Variants in ANKRD13B observed in about 807,000 individuals in gnomAD.
The protein encoded by ANKRD13B is ankyrin repeat domain 13B.
ANKRD13B carries 33 observed loss-of-function variants against 74.4 expected under a neutral mutation model. That is an observed-to-expected ratio of 0.44 (90% CI 0.34 to 0.59). The LOEUF is 0.59. Among genes scored for constraint, ANKRD13B ranks in the 20% least tolerant of loss-of-function variants. The pLI is 0.02. For synonymous variants in ANKRD13B, 341 were observed against 362.9 expected, an observed-to-expected ratio of 0.94 and a Z score of 0.68; for missense variants, 676 against 877.9, an observed-to-expected ratio of 0.77 and a Z score of 2.91.
In ANKRD13B at chr17:29,609,184, G is replaced by A; in HGVS notation, c.664G>A (p.Ala222Thr). ...GCAGGACCGGGAGCTGCTGCTGGCT[G>A]CTGCTCAGCCCACTGAGGAACAGGT... ...AGQDRELLLA[A>T]AQPTEEQVLS... is the part of the protein sequence containing the mutation. The change falls in exon 6 of 15, where the codon GCT becomes ACT. Residue 222 changes from alanine to threonine, a missense_variant. Around this residue, in one of 4 missense-constraint regions of ANKRD13B, gnomAD observed 328 missense variants for 518.4 expected, o/e 0.63. Transcript: ENST00000394859. This position sits in a 1 kb window ranked among gnomAD's most constrained non-coding sequence, Gnocchi z 4.0. 1 of 1,612,464 alleles carries A rather than the reference G, an allele frequency of 6.2e-7. No homozygotes were observed. Among genetic ancestry groups the A allele is most frequent in the Non-Finnish European group, 8.5e-7 (1 of 1,180,022 alleles).
chr17:29,613,297 C>A, intron 14 of ANKRD13B, 57 bp from the exon 15 acceptor site: 1 of 1,385,812 alleles, frequency 7.2e-7, no homozygotes, highest in Non-Finnish European at 9.3e-7. Context: ...CGTGTCCCGG[C>A]CCCGGCCGGT....
At position 29,608,501 on chromosome 17, in the gene ANKRD13B, G is replaced by T. The variant is rs1199836149; in HGVS notation, c.421+261G>T. ...TTGTTAGAAGGTAAGCTCTGAGAGGGCAGGAGTCCTGTCTTTTTCACTGTT... is the reference window on the plus strand; with the variant it reads ...TTGTTAGAAGGTAAGCTCTGAGAGGTCAGGAGTCCTGTCTTTTTCACTGTT... On this transcript the variant is annotated intron_variant, in intron 4 of 14. Coordinates refer to ENST00000394859, the MANE Select transcript of ANKRD13B (RefSeq NM_152345.5). This position sits in a 1 kb window ranked among gnomAD's most constrained non-coding sequence, Gnocchi z 6.4. Among the ~76,000 whole-genome samples, 2 of 152,234 alleles carry T rather than the reference G, an allele frequency of 1.3e-5. No homozygotes were observed. The highest frequency in any genetic ancestry group is 1.5e-5 in the Non-Finnish European group (1 of 68,042).
At position 29,613,745 on chromosome 17, in the gene ANKRD13B, T is replaced by A; in HGVS notation, c.*163T>A. ...GCACGGTTCGGGGAGGGATTCGGCATGGCCGCGGGGTACCTTCCCAGGCCA... is the reference window on the plus strand; with the variant it reads ...GCACGGTTCGGGGAGGGATTCGGCAAGGCCGCGGGGTACCTTCCCAGGCCA... On this transcript the variant is annotated 3_prime_UTR_variant, in exon 15 of 15. Transcript: ENST00000394859. The A allele has an allele frequency of 8.4e-7, 1 of 1,190,984 alleles. No individual in the cohort carries two copies. Among genetic ancestry groups the A allele is most frequent in the South Asian group, 1.9e-5 (1 of 53,650 alleles). The allele number at this position is 1,190,984 out of a possible 1,614,324, so 73.8% of individuals were successfully genotyped here. A position where few individuals can be genotyped will look rare whatever the true frequency, so the allele number is the denominator to read the frequency against.
At position 29,593,575 on chromosome 17, in the gene ANKRD13B, C is replaced by G. The variant is rs1199461488; in HGVS notation, c.-47C>G. Reference sequence around the variant, plus strand: ...CCCCGGGCCCCGGCTCCGGCGCCGTCCCTCCTCCCCGGCCGGGCGCCGCGG... The same window carrying G: ...CCCCGGGCCCCGGCTCCGGCGCCGTGCCTCCTCCCCGGCCGGGCGCCGCGG... On this transcript the variant is annotated 5_prime_UTR_variant, in exon 1 of 15. Coordinates refer to ENST00000394859, the MANE Select transcript of ANKRD13B (RefSeq NM_152345.5). The G allele has an allele frequency of 9.8e-7, 1 of 1,019,930 alleles. No homozygotes were observed. The highest frequency in any genetic ancestry group is 1.7e-5 in the African/African-American group (1 of 57,374). The allele number at this position is 1,019,930 out of a possible 1,614,324, so 63.2% of individuals were successfully genotyped here. A position where few individuals can be genotyped will look rare whatever the true frequency, so the allele number is the denominator to read the frequency against.
intron 7 of ANKRD13B, among the ~76,000 whole-genome samples, chr17:29,610,372 G>A (rs2034540855): frequency 6.6e-6 from 1 of 152,116 alleles, no homozygotes; most frequent in Non-Finnish European, 1.5e-5. Context: ...GGACCATGCT[G>A]TTATAACTCC....
chr17:29,613,614 G>A lies in ANKRD13B; in HGVS notation c.*32G>A. ...CTGCCGGGACCCTCGCCAGCGCCAC[G>A]CGCGCCACGCCCAGGGCCAGGAGCC... On this transcript the variant is annotated 3_prime_UTR_variant, in exon 15 of 15. Coordinates refer to ENST00000394859, the MANE Select transcript of ANKRD13B (RefSeq NM_152345.5). 1 of 1,396,308 alleles carries A rather than the reference G, an allele frequency of 7.2e-7. No homozygotes were observed. Among genetic ancestry groups the A allele is most frequent in the Non-Finnish European group, 9.3e-7 (1 of 1,075,064 alleles). 86.5% of individuals were successfully genotyped at this position (1,396,308 alleles called of 1,614,324 possible). A position where few individuals can be genotyped will look rare whatever the true frequency, so the allele number is the denominator to read the frequency against.
At position 29,608,772 on chromosome 17, in the gene ANKRD13B, C is replaced by T; in HGVS notation, c.422-79C>T. ...TCCCCTGTTCCTGGCCACACGGATCCCAAACCCCATGCCCTGAGCTGGTCC... is the reference window on the plus strand; with the variant it reads ...TCCCCTGTTCCTGGCCACACGGATCTCAAACCCCATGCCCTGAGCTGGTCC... On this transcript the variant is annotated intron_variant, in intron 4 of 14. Transcript: ENST00000394859. The surrounding 1 kb of genome is among the most constrained non-coding windows in gnomAD (Gnocchi z 6.4). The T allele has an allele frequency of 1.9e-6, 3 of 1,573,632 alleles. No homozygotes were observed. In the South Asian group the frequency reaches 3.5e-5, roughly 18 times the overall value.
chr17:29,611,564 C>G lies in ANKRD13B; in HGVS notation c.905-15C>G. ...TGGAGTTGCGGTGTCCTCTGAGATG[C>G]CACATTTCTTGTAGGCTGTAAGACA... On this transcript the variant is annotated splice_polypyrimidine_tract_variant and intron_variant, in intron 8 of 14. Coordinates refer to ENST00000394859, the MANE Select transcript of ANKRD13B (RefSeq NM_152345.5). This position sits in a 1 kb window ranked among gnomAD's most constrained non-coding sequence, Gnocchi z 4.3. 6.2e-7 allele frequency: 1 copy of G among 1,613,898 alleles called. No individual in the cohort carries two copies. Among genetic ancestry groups the G allele is most frequent in the Non-Finnish European group, 8.5e-7 (1 of 1,179,800 alleles).
Position 29,609,016 on chromosome 17 carries a change from G to T in ANKRD13B, c.565+22G>T, listed in dbSNP as rs2034484141. 2 of 1,613,722 alleles carry T rather than the reference G, an allele frequency of 1.2e-6. No homozygotes were observed. Among genetic ancestry groups the T allele is most frequent in the Non-Finnish European group, 1.7e-6 (2 of 1,180,030 alleles). ...CAAGGTCAGGCAGGCAGGAAGTGGGGCAGGGTGGGGACGATGGGAGGCAGC... is the reference window on the plus strand; with the variant it reads ...CAAGGTCAGGCAGGCAGGAAGTGGGTCAGGGTGGGGACGATGGGAGGCAGC... On this transcript the variant is annotated intron_variant, in intron 5 of 14. Coordinates refer to ENST00000394859, the MANE Select transcript of ANKRD13B (RefSeq NM_152345.5). This position sits in a 1 kb window ranked among gnomAD's most constrained non-coding sequence, Gnocchi z 4.0.
chr17:29,597,987 C>CGGCT (rs1287241016), intron 1 of ANKRD13B, among the ~76,000 whole-genome samples: 7 of 151,352 alleles, frequency 4.6e-5, no homozygotes, highest in Admixed American at 1.3e-4. Context: ...TTAGCTGCAG[C>CGGCT]GGCTGCGGCT....
At position 29,612,182 on chromosome 17, in the gene ANKRD13B, C is replaced by T; in HGVS notation, c.1167C>T (p.Ile389=). The change falls in exon 11 of 15, where the codon ATC becomes ATT. Residue 389 remains isoleucine (I), a synonymous_variant. Transcript: ENST00000394859. The surrounding 1 kb of genome is among the most constrained non-coding windows in gnomAD (Gnocchi z 6.1). Reference sequence around the variant, plus strand: ...CCCTGTGTGAGCAGGTGGCCCCCATCATTGACCTCATGGCCGTCAGCAATG... The same window carrying T: ...CCCTGTGTGAGCAGGTGGCCCCCATTATTGACCTCATGGCCGTCAGCAATG... ...PLSLCEQVAP[I]IDLMAVSNAL... The T allele has an allele frequency of 1.2e-6, 2 of 1,614,148 alleles. No individual in the cohort carries two copies. Among genetic ancestry groups the T allele is most frequent in the Non-Finnish European group, 1.7e-6 (2 of 1,180,034 alleles).
At position 29,597,718 on chromosome 17, in the gene ANKRD13B, G is replaced by A. The variant is rs115794994; in HGVS notation, c.114+3983G>A. On this transcript the variant is annotated intron_variant, in intron 1 of 14. Transcript: ENST00000394859. ...GCAAGGTGCCACTTACACTGCAGGC[G>A]GCACTCTGGGCTTGTGGGGAGAGCT... Among the ~76,000 whole-genome samples the A allele has an allele frequency of 3.7e-3, 561 of 152,254 alleles. 4 individuals are homozygous for A. Among genetic ancestry groups the A allele is most frequent in the African/African-American group, 0.013 (522 of 41,518 alleles).
chr17:29,599,057 G>T (rs1328879275), intron 1 of ANKRD13B, among the ~76,000 whole-genome samples: 1 of 152,176 alleles, frequency 6.6e-6, no homozygotes, highest in Non-Finnish European at 1.5e-5. Flanking sequence ...CACTTGGACG[G>T]GCAGTGGATA....
In ANKRD13B at chr17:29,612,928, C is replaced by T. The variant is rs1197346999; in HGVS notation, c.1617C>T (p.Thr539=). ...WEALTNSKPG[T]HPMSYEGRRQ... ...CGCTAACCAACAGCAAGCCAGGCAC[C>T]CACCCCATGTCCTACGAGGGTCGCC... Residue 539 remains threonine (T), a synonymous_variant, in exon 14 of 15, where the codon ACC becomes ACT. Transcript: ENST00000394859. The surrounding 1 kb of genome is among the most constrained non-coding windows in gnomAD (Gnocchi z 6.1). 5.0e-6 allele frequency: 8 copies of T among 1,598,308 alleles called. No homozygotes were observed. The highest frequency in any genetic ancestry group is 1.7e-6 in the Non-Finnish European group (2 of 1,179,752).
chr17:29,613,658 G>T lies in ANKRD13B; in HGVS notation c.*76G>T, dbSNP rs1001884024. ...AGGAGCCAGACAAACCCCGGCCTGCGCGCCTGCAGAGCGGCGGCTGGAGAC... is the reference window on the plus strand; with the variant it reads ...AGGAGCCAGACAAACCCCGGCCTGCTCGCCTGCAGAGCGGCGGCTGGAGAC... On this transcript the variant is annotated 3_prime_UTR_variant, in exon 15 of 15. Transcript: ENST00000394859. 7.3e-7 allele frequency: 1 copy of T among 1,372,964 alleles called. No individual in the cohort carries two copies. The allele number at this position is 1,372,964 out of a possible 1,614,324, so 85.0% of individuals were successfully genotyped here.
chr17:29,596,846 C>A (rs1440609354), intron 1 of ANKRD13B, among the ~76,000 whole-genome samples: 1 of 152,172 alleles, frequency 6.6e-6, no homozygotes, highest in Non-Finnish European at 1.5e-5. Context: ...GCCACAAACC[C>A]CAGAAACCAA....
Position 29,608,753 on chromosome 17 carries a change from G to A in ANKRD13B, c.422-98G>A. 2 of 1,504,350 alleles carry A rather than the reference G, an allele frequency of 1.3e-6. No individual in the cohort carries two copies. The highest frequency in any genetic ancestry group is 1.8e-6 in the Non-Finnish European group (2 of 1,108,420). 93.2% of individuals were successfully genotyped at this position (1,504,350 alleles called of 1,614,324 possible). On this transcript the variant is annotated intron_variant, in intron 4 of 14. Coordinates refer to ENST00000394859, the MANE Select transcript of ANKRD13B (RefSeq NM_152345.5). This position sits in a 1 kb window ranked among gnomAD's most constrained non-coding sequence, Gnocchi z 6.4. The stretch of plus-strand genomic sequence containing the variant: ...TGCTCTCTCTTCAGTTCCCTCCCCT[G>A]TTCCTGGCCACACGGATCCCAAACC...
intron 1 of ANKRD13B, among the ~76,000 whole-genome samples, chr17:29,597,530 C>CT (rs1432190444): frequency 6.6e-6 from 1 of 152,024 alleles, no homozygotes; most frequent in East Asian, 1.9e-4. Context: ...CAGCTGAGGC[C>CT]TGCTGGGATA....
intron 1 of ANKRD13B, among the ~76,000 whole-genome samples, chr17:29,598,907 A>T (rs2034055083): frequency 6.6e-6 from 1 of 152,204 alleles, no homozygotes; most frequent in Admixed American, 6.5e-5. Flanking sequence ...GTGCCCCCTC[A>T]GCCTAGTACT....
Sources: gnomAD v4.1 joint callset for allele counts (sites outside exome capture counted in the v4.1 genomes callset) on GRCh38, gnomAD v4.1.1 for gene constraint, gnomAD v4.1.1 regional missense constraint, Gnocchi (gnomAD v3.1) non-coding constraint, MANE v1.5 for transcripts, NCBI Gene and HGNC (gene_info 2026-07-23, HGNC 2026-07-21) for gene names.